Variants in HELZ observed in about 807,000 individuals in gnomAD.
HELZ encodes helicase with zinc finger, also known as ATP-dependent RNA helicase with zinc finger domain.
HELZ carries 23 observed loss-of-function variants against 218.2 expected under a neutral mutation model. That is an observed-to-expected ratio of 0.11 (90% CI 0.08 to 0.15). The LOEUF is 0.15. Ranked by LOEUF, HELZ falls within the 10% of genes least tolerant of loss-of-function variation. The probability of loss-of-function intolerance (pLI) is 1.00; values close to 1 mark genes in which losing one functional copy is unlikely to be tolerated. For synonymous variants in HELZ, 814 were observed against 829.4 expected, an observed-to-expected ratio of 0.98 and a Z score of 0.32; for missense variants, 1,813 against 2,353.7, an observed-to-expected ratio of 0.77 and a Z score of 4.75.
At chr17:67,159,769 A>G (rs1051982507) in intron 17 of HELZ, among the ~76,000 whole-genome samples, 1 of 152,190 alleles carries the variant, frequency 6.6e-6, no homozygotes, top group African/African-American at 2.4e-5. Flanking sequence ...AAGTTGTTAA[A>G]TACCAGTCAA....
At chr17:67,126,623 C>T (rs1598279220) in intron 24 of HELZ, among the ~76,000 whole-genome samples, 2 of 152,014 alleles carry the variant, frequency 1.3e-5, no homozygotes, top group South Asian at 2.1e-4. Context: ...TCAAGGCAGG[C>T]GGATCACTTG....
upstream of HELZ, chr17:67,245,295 G>A (rs1567926371): frequency 4.5e-6 from 4 of 883,632 alleles, no homozygotes; most frequent in Non-Finnish European, 5.4e-6. Context: ...CGCGCCTCCC[G>A]CCCGGAAAGT....
chr17:67,112,091 T>C (rs2037297888), intron 28 of HELZ, among the ~76,000 whole-genome samples: 1 of 152,104 alleles, frequency 6.6e-6, no homozygotes, highest in Non-Finnish European at 1.5e-5. Flanking sequence ...TAGAGAATGG[T>C]AAGAGCTGAA....
At chr17:67,226,783 G>T (rs1378110562) in intron 3 of HELZ, among the ~76,000 whole-genome samples, 1 of 152,128 alleles carries the variant, frequency 6.6e-6, no homozygotes, top group East Asian at 1.9e-4. Flanking sequence ...ACCTCTTTGT[G>T]ATATAAAACT....
chr17:67,109,809 G>C (rs1356264805), intron 28 of HELZ, 123 bp from the exon 29 acceptor site: 1 of 647,706 alleles, frequency 1.5e-6, no homozygotes, highest in Non-Finnish European at 2.5e-6. Context: ...CAGGAGAGCT[G>C]AGTGCTCAAT....
intron 12 of HELZ, among the ~76,000 whole-genome samples, chr17:67,185,225 CATTTTATA>C: frequency 6.6e-6 from 1 of 152,290 alleles, no homozygotes; most frequent in Non-Finnish European, 1.5e-5. Flanking sequence ...TGTCTCAGAA[CATTTTATA>C]AAATTGTAAT....
In HELZ at chr17:67,078,050, G is replaced by C. The variant is rs1598163800; in HGVS notation, c.*202C>G. On this transcript the variant is annotated 3_prime_UTR_variant, in exon 33 of 33. Coordinates refer to ENST00000358691, the MANE Select transcript of HELZ (RefSeq NM_014877.4). Reference sequence around the variant, plus strand: ...TTTATTCTACATAAAAGCTGTCAAAGTTTTGACACATCAAAAATGCAAAAT... The same window carrying C: ...TTTATTCTACATAAAAGCTGTCAAACTTTTGACACATCAAAAATGCAAAAT... The C allele has an allele frequency of 6.4e-6, 3 of 465,814 alleles. No individual in the cohort carries two copies. In the East Asian group the frequency reaches 1.2e-4, roughly 18 times the overall value. The allele number at this position is 465,814 out of a possible 1,614,324, so 28.9% of individuals were successfully genotyped here. A position where few individuals can be genotyped will look rare whatever the true frequency, so the allele number is the denominator to read the frequency against.
intron 31 of HELZ, among the ~76,000 whole-genome samples, chr17:67,090,745 T>C (rs991923733): frequency 8.5e-5 from 13 of 152,168 alleles, no homozygotes; most frequent in African/African-American, 2.7e-4. Flanking sequence ...CTTCCTAATA[T>C]AGGTAGTTTG....
chr17:67,124,395 T>C (rs2037717303), intron 24 of HELZ, among the ~76,000 whole-genome samples: 2 of 152,204 alleles, frequency 1.3e-5, no homozygotes, highest in Non-Finnish European at 2.9e-5. Flanking sequence ...GAGGTTGTTT[T>C]TCAAAGTAAA....
At chr17:67,218,385 T>A (rs911359614) in intron 4 of HELZ, among the ~76,000 whole-genome samples, 3 of 152,194 alleles carry the variant, frequency 2.0e-5, no homozygotes, top group African/African-American at 7.2e-5. Context: ...TAAATACTTG[T>A]TGAGTGAGTG....
At chr17:67,172,125 A>G (rs9904287) in intron 13 of HELZ, among the ~76,000 whole-genome samples, 45,757 of 151,754 alleles carry the variant, frequency 0.3, 9,230 homozygotes, top group African/African-American at 0.58. Flanking sequence ...GAGCCACCAC[A>G]CCCAGCCTTG....
At chr17:67,098,018 C>T (rs1172293708) in intron 31 of HELZ, among the ~76,000 whole-genome samples, 1 of 152,114 alleles carries the variant, frequency 6.6e-6, no homozygotes, top group East Asian at 1.9e-4. Context: ...TTCAAGAAAT[C>T]AAGAATTCTA....
chr17:67,153,120 T>C (rs1226726494), intron 17 of HELZ, among the ~76,000 whole-genome samples: 1 of 152,258 alleles, frequency 6.6e-6, no homozygotes, highest in Non-Finnish European at 1.5e-5. Flanking sequence ...AGGGAGTATA[T>C]ATAGACAACT....
At chr17:67,115,550 T>C (rs1260842189) in intron 27 of HELZ, among the ~76,000 whole-genome samples, 1 of 151,916 alleles carries the variant, frequency 6.6e-6, no homozygotes, top group African/African-American at 2.4e-5. Context: ...AGAAAATCTA[T>C]AATGCAGCCA....
intron 21 of HELZ, among the ~76,000 whole-genome samples, chr17:67,143,814 A>C (rs2038410568): frequency 6.6e-6 from 1 of 152,242 alleles, no homozygotes; most frequent in African/African-American, 2.4e-5. Context: ...TGTACAAAGC[A>C]CAAGATACAT....
intron 23 of HELZ, among the ~76,000 whole-genome samples, chr17:67,130,770 T>G (rs2037954686): frequency 6.6e-6 from 1 of 152,236 alleles, no homozygotes; most frequent in Admixed American, 6.5e-5. Context: ...AAGGTCTTTT[T>G]AGTCTAATTG....
At chr17:67,184,631 T>C (rs2039703083) in intron 12 of HELZ, among the ~76,000 whole-genome samples, 1 of 152,028 alleles carries the variant, frequency 6.6e-6, no homozygotes, top group Non-Finnish European at 1.5e-5. Context: ...AGACCTTGTC[T>C]CTACAAAAAA....
chr17:67,201,205 A>G lies in HELZ; in HGVS notation c.373-20T>C, dbSNP rs201128564. 5.8e-6 allele frequency: 9 copies of G among 1,541,116 alleles called. No homozygotes were observed. In the East Asian group the frequency reaches 1.6e-4, roughly 27 times the overall value. On this transcript the variant is annotated intron_variant, in intron 6 of 32. Coordinates refer to ENST00000358691, the MANE Select transcript of HELZ (RefSeq NM_014877.4). ...CCCATTCTGAAAGGGTGAATAAAAA[A>G]GAGAAGAACCAATTAGTATATTAAT...
intron 16 of HELZ, 117 bp downstream of exon 16, chr17:67,160,780 T>G: frequency 2.8e-6 from 2 of 725,888 alleles, no homozygotes; most frequent in Non-Finnish European, 4.2e-6. Flanking sequence ...CTTTTCTCTT[T>G]TTTTCATGTT....
Sources: gnomAD v4.1 joint callset for allele counts (sites outside exome capture counted in the v4.1 genomes callset) on GRCh38, gnomAD v4.1.1 for gene constraint, MANE v1.5 for transcripts, NCBI Gene and HGNC (gene_info 2026-07-23, HGNC 2026-07-21) for gene names.